PCYT1B: variants seen among roughly 807,000 people sequenced by gnomAD.
PCYT1B encodes choline-phosphate cytidylyltransferase B.
A neutral mutation model predicts 26.4 loss-of-function variants in PCYT1B; 10 were observed. The ratio of observed to expected loss-of-function variants is 0.38; its 90% CI spans 0.23 to 0.64. The LOEUF (loss-of-function observed/expected upper bound fraction) is 0.64, where lower values mean the gene tolerates loss of function less well. Ranked by LOEUF, PCYT1B falls within the 30% of genes least tolerant of loss-of-function variation. PCYT1B has a pLI of 0.56. For synonymous variants in PCYT1B, 131 were observed against 108.4 expected (o/e 1.21, Z -1.29); for missense variants, 161 against 292.7 (o/e 0.55, Z 3.28).
At chrX:24,661,329 A>G (rs1240005463) in intron 1 of PCYT1B, among the ~76,000 whole-genome samples, 1 of 112,157 alleles carries the variant, frequency 8.9e-6, no homozygotes, top group Non-Finnish European at 1.9e-5. Flanking sequence ...TCACCAAACA[A>G]GAGAAGTATC....
chrX:24,642,243 C>G lies in PCYT1B; in HGVS notation c.117+4746G>C, dbSNP rs190693331. On this transcript the variant is annotated intron_variant, in intron 1 of 7. Coordinates refer to ENST00000379144, the MANE Select transcript of PCYT1B (RefSeq NM_004845.5). ...CACAGCACCTGGTGCATTGCTGTGT[C>G]TGGAAGTTGTTAACCACCTGGCTGA... Among the ~76,000 whole-genome samples, 144 of 112,219 alleles carry G rather than the reference C, an allele frequency of 1.3e-3. 3 individuals are homozygous for G. In the South Asian group the frequency reaches 0.052, roughly 41 times the overall value.
chrX:24,618,932 T>C (rs1925609898), intron 2 of PCYT1B, 53 bp downstream of exon 2: 1 of 830,730 alleles, frequency 1.2e-6, no homozygotes, highest in Non-Finnish European at 1.7e-6. Context: ...CCCTTTCTGA[T>C]ACTTTAAAAT....
chrX:24,575,684 C>A (rs1057487215), intron 6 of PCYT1B, among the ~76,000 whole-genome samples: 5 of 112,563 alleles, frequency 4.4e-5, no homozygotes, highest in African/African-American at 1.6e-4. Context: ...GGGACTTAGA[C>A]AAAAGTATGA....
intron 1 of PCYT1B, among the ~76,000 whole-genome samples, chrX:24,629,141 G>A (rs920379373): frequency 8.9e-6 from 1 of 111,925 alleles, no homozygotes; most frequent in Admixed American, 9.5e-5. Flanking sequence ...ATGTTTATTG[G>A]CCATTTGTAT....
chrX:24,605,941 C>T, intron 3 of PCYT1B, among the ~76,000 whole-genome samples: 2 of 107,187 alleles, frequency 1.9e-5, no homozygotes, highest in South Asian at 8.4e-4. Flanking sequence ...ATAATCCCAG[C>T]TACTTGGGAG....
intron 1 of PCYT1B, among the ~76,000 whole-genome samples, chrX:24,622,545 G>A (rs1925732039): frequency 8.9e-6 from 1 of 112,323 alleles, no homozygotes; most frequent in Non-Finnish European, 1.9e-5. Context: ...ATCCTCTGGT[G>A]TAGACCCTAC....
At chrX:24,604,043 T>C (rs1925046989) in intron 3 of PCYT1B, among the ~76,000 whole-genome samples, 1 of 110,402 alleles carries the variant, frequency 9.1e-6, no homozygotes, top group Non-Finnish European at 1.9e-5. Context: ...AGACTTGGGA[T>C]CAAATATTAA....
At chrX:24,638,401 C>T (rs1171982151) in intron 1 of PCYT1B, among the ~76,000 whole-genome samples, 2 of 111,636 alleles carry the variant, frequency 1.8e-5, no homozygotes, top group Non-Finnish European at 3.8e-5. Flanking sequence ...AGCTTCCCAG[C>T]CTCCCATACA....
chrX:24,572,918 TTA>T (rs371692891), intron 7 of PCYT1B, among the ~76,000 whole-genome samples: 1,051 of 96,209 alleles, frequency 0.011, 8 homozygotes, highest in African/African-American at 0.014. Flanking sequence ...TTTCATCAAA[TTA>T]TATATATATA....
intron 1 of PCYT1B, among the ~76,000 whole-genome samples, chrX:24,628,761 G>A (rs947206282): frequency 9.9e-5 from 11 of 111,403 alleles, no homozygotes; most frequent in African/African-American, 3.3e-4. Flanking sequence ...AAAAAGAACC[G>A]TAATTTAAAT....
chrX:24,616,090 A>G (rs986057147), intron 2 of PCYT1B, among the ~76,000 whole-genome samples: 6 of 111,035 alleles, frequency 5.4e-5, no homozygotes, highest in African/African-American at 2.0e-4. Flanking sequence ...AGAGCATCAC[A>G]TCGAGCAGAT....
intron 1 of PCYT1B, among the ~76,000 whole-genome samples, chrX:24,654,096 CTTTCTT>C (rs1266908327): frequency 3.3e-5 from 1 of 30,451 alleles, no homozygotes; most frequent in African/African-American, 8.1e-5. Context: ...TTCTTTCTTT[CTTTCTT>C]TTTTTTTTTT....
At chrX:24,627,007 G>A (rs1925904728) in intron 1 of PCYT1B, among the ~76,000 whole-genome samples, 1 of 112,164 alleles carries the variant, frequency 8.9e-6, no homozygotes, top group Non-Finnish European at 1.9e-5. Flanking sequence ...AAGGGAATAG[G>A]GAGTGTTGGG....
chrX:24,601,518 A>G (rs1349098217), intron 3 of PCYT1B, among the ~76,000 whole-genome samples: 1 of 108,645 alleles, frequency 9.2e-6, no homozygotes, highest in Admixed American at 9.9e-5. Context: ...AAAGACATGG[A>G]CTGGGCGAAA....
chrX:24,608,337 G>C (rs756551421), intron 2 of PCYT1B, among the ~76,000 whole-genome samples: 74 of 111,750 alleles, frequency 6.6e-4, no homozygotes, highest in African/African-American at 2.4e-3. Flanking sequence ...CCCAACTCCA[G>C]GTCACGTTGG....
intron 1 of PCYT1B, among the ~76,000 whole-genome samples, chrX:24,637,635 C>G (rs1463012804): frequency 9.7e-6 from 1 of 103,500 alleles, no homozygotes; most frequent in Non-Finnish European, 1.9e-5. Context: ...CTGCACCCAG[C>G]CTGGGTGACA....
At chrX:24,646,947 G>A in intron 1 of PCYT1B, 42 bp downstream of exon 1, 1 of 1,085,555 alleles carries the variant, frequency 9.2e-7, no homozygotes, top group South Asian at 1.9e-5. Context: ...ACTCTTTTAT[G>A]CCATAGCCAC....
In PCYT1B at chrX:24,580,030, C is replaced by T. The variant is rs192332817; in HGVS notation, c.566-572G>A. The stretch of plus-strand genomic sequence containing the variant: ...TCTTTACAAAAAATACAAAAGTTAG[C>T]TGGGTGTGGTGGTGCACGCCTGTGG... On this transcript the variant is annotated intron_variant, in intron 5 of 7. Transcript: ENST00000379144. Among the ~76,000 whole-genome samples, 12 of 112,168 alleles carry T rather than the reference C, an allele frequency of 1.1e-4. No individual in the cohort carries two copies. The East Asian group carries it at 2.8e-3, about 26-fold the overall frequency.
rs760002350 is a variant in PCYT1B at position 24,672,593 on chromosome X, G to A, written c.40C>T (p.Arg14Cys). 5 of 1,207,613 alleles carry A rather than the reference G, an allele frequency of 4.1e-6. No individual in the cohort carries two copies. The South Asian group carries it at 5.3e-5, about 13-fold the overall frequency. Residue 14 changes from arginine to cysteine, a missense_variant, in exon 1 of 8, where the codon CGC becomes TGC. Physicochemically the swap from Arg to Cys is radical, Grantham distance 180. Transcript: ENST00000379145. ...ACCTTGCGCCACAATTGGGGAGCGC[G>A]ATTGTCCTCTTCCATGATGCACTCC...
Sources: gnomAD v4.1 joint callset for allele counts (sites outside exome capture counted in the v4.1 genomes callset) on GRCh38, gnomAD v4.1.1 for gene constraint, MANE v1.5 for transcripts, NCBI Gene and HGNC (gene_info 2026-07-23, HGNC 2026-07-21) for gene names.